Variants in GPC5 observed in about 807,000 individuals in gnomAD.
GPC5 encodes the protein glypican 5, also known as glypican-5.
A neutral mutation model predicts 53.9 loss-of-function variants in GPC5; 47 were observed. The observed-to-expected ratio is 0.87, with a 90% CI of 0.69 to 1.11. The LOEUF is 1.11. Ranked by LOEUF, GPC5 falls within the 50% of genes most tolerant of loss-of-function variation. The pLI is 0.00. For synonymous variants in GPC5, 286 were observed against 263.3 expected (o/e 1.09, Z -0.84); for missense variants, 748 against 713.1 (o/e 1.05, Z -0.56).
intron 2 of GPC5, among the ~76,000 whole-genome samples, chr13:91,639,118 C>A (rs1369730310): frequency 6.6e-6 from 1 of 152,122 alleles, no homozygotes; most frequent in Non-Finnish European, 1.5e-5. Flanking sequence ...GTTATCTTTT[C>A]TTCTGTCCCT....
At chr13:92,017,708 T>C (rs542836220) in intron 6 of GPC5, among the ~76,000 whole-genome samples, 90 of 152,240 alleles carry the variant, frequency 5.9e-4, no homozygotes, top group Non-Finnish European at 1.1e-3. Context: ...TGTCTATACA[T>C]GTGCACAAGT....
rs146628986 is a variant in GPC5 at position 92,587,513 on chromosome 13, G to C, written c.1562-278769G>C. Among the ~76,000 whole-genome samples the C allele has an allele frequency of 2.3e-3, 330 of 143,250 alleles. 3 individuals are homozygous for C. The highest frequency in any genetic ancestry group is 8.1e-3 in the African/African-American group (325 of 39,948). 94.0% of individuals were successfully genotyped at this position (143,250 alleles called of 152,430 possible). ...CCCATTGTCTAACAGGCAATATTTT[G>C]TTAAAACAGAATTAAAAAGAAAAAG... is the stretch of plus-strand genomic sequence containing the variant. On this transcript the variant is annotated intron_variant, in intron 7 of 7. Transcript: ENST00000377067.
intron 6 of GPC5, among the ~76,000 whole-genome samples, chr13:92,137,070 TC>T (rs145861964): frequency 0.035 from 5,331 of 152,188 alleles, 96 homozygotes; most frequent in Non-Finnish European, 0.039. Flanking sequence ...TTTTTTTTTT[TC>T]ATCCTGTCCT....
At position 91,515,131 on chromosome 13, in the gene GPC5, T is replaced by C. The variant is rs148564642; in HGVS notation, c.325+66209T>C. 3.9e-5 allele frequency among the ~76,000 whole-genome samples: 6 copies of C among 152,342 alleles called. No homozygotes were observed. In the East Asian group the frequency reaches 1.2e-3, roughly 29 times the overall value. The stretch of plus-strand genomic sequence containing the variant: ...TTTCTGTATTCACAGAATGTTTTAG[T>C]AGACAGAATTACTTAAAAATGCATA... On this transcript the variant is annotated intron_variant, in intron 2 of 7. Coordinates refer to ENST00000377067, the MANE Select transcript of GPC5 (RefSeq NM_004466.6).
intron 7 of GPC5, among the ~76,000 whole-genome samples, chr13:92,442,161 G>T (rs1877601006): frequency 6.6e-6 from 1 of 152,140 alleles, no homozygotes; most frequent in Non-Finnish European, 1.5e-5. Flanking sequence ...GAATCAAAAT[G>T]AATATATTTG....
In GPC5 at chr13:91,486,983, G is replaced by A. The variant is rs769078124; in HGVS notation, c.325+38061G>A. On this transcript the variant is annotated intron_variant, in intron 2 of 7. Transcript: ENST00000377067. ...TATGAAATCTGTGACTGATGTGGGG[G>A]CTAGGGAATTGAAGCTTGTATGGGG... 7 of 152,164 alleles carry A rather than the reference G, an allele frequency of 4.6e-5. 1 individual carries two copies. The highest frequency in any genetic ancestry group is 1.0e-4 in the Non-Finnish European group (7 of 68,030). The allele number at this position is 152,164 out of a possible 1,614,324, so 9.4% of individuals were successfully genotyped here. A position where few individuals can be genotyped will look rare whatever the true frequency, so the allele number is the denominator to read the frequency against.
intron 7 of GPC5, among the ~76,000 whole-genome samples, chr13:92,776,338 A>C (rs1875804731): frequency 1.3e-5 from 2 of 151,072 alleles, no homozygotes; most frequent in Middle Eastern, 3.5e-3. Context: ...ATACACACTC[A>C]CTCACTCCCC....
chr13:92,433,017 T>C (rs935426861), intron 7 of GPC5, among the ~76,000 whole-genome samples: 4 of 152,096 alleles, frequency 2.6e-5, no homozygotes, highest in African/African-American at 9.7e-5. Context: ...CAAAATTTAC[T>C]TTGATGAATA....
chr13:92,441,134 C>T (rs894959580), intron 7 of GPC5, among the ~76,000 whole-genome samples: 5 of 152,112 alleles, frequency 3.3e-5, no homozygotes, highest in South Asian at 2.1e-4. Flanking sequence ...TGCAGTGGCA[C>T]GATCTCGGCT....
At chr13:92,103,302 G>A (rs899382968) in intron 6 of GPC5, among the ~76,000 whole-genome samples, 2 of 152,016 alleles carry the variant, frequency 1.3e-5, no homozygotes, top group Admixed American at 1.3e-4. Context: ...AAACAATTTT[G>A]AACCCTGTCA....
chr13:91,820,117 T>G (rs908939223), intron 5 of GPC5, among the ~76,000 whole-genome samples: 20 of 152,274 alleles, frequency 1.3e-4, no homozygotes, highest in African/African-American at 4.6e-4. Flanking sequence ...GTGGTGGTGG[T>G]ATTTTTGTTT....
At chr13:92,119,988 A>T in intron 6 of GPC5, among the ~76,000 whole-genome samples, 1 of 152,180 alleles carries the variant, frequency 6.6e-6, no homozygotes, top group East Asian at 1.9e-4. Context: ...CAGGAATGTT[A>T]TATTCACAGG....
intron 5 of GPC5, among the ~76,000 whole-genome samples, chr13:91,865,043 C>A (rs2039069124): frequency 6.6e-6 from 1 of 151,830 alleles, no homozygotes; most frequent in Non-Finnish European, 1.5e-5. Context: ...TCCTGAGTAG[C>A]TGGGACTACA....
intron 7 of GPC5, among the ~76,000 whole-genome samples, chr13:92,275,481 TAAAC>T (rs1445862411): frequency 2.6e-5 from 4 of 152,238 alleles, no homozygotes; most frequent in East Asian, 3.9e-4. Context: ...AATGAAAAAA[TAAAC>T]AAGATAATAT....
chr13:91,911,583 A>G (rs528102315), intron 6 of GPC5, among the ~76,000 whole-genome samples: 8 of 152,146 alleles, frequency 5.3e-5, no homozygotes, highest in Admixed American at 2.0e-4. Context: ...ATAAATCAAT[A>G]AATAAAAACT....
chr13:91,700,525 G>T (rs1450929019), intron 3 of GPC5, among the ~76,000 whole-genome samples: 1 of 152,202 alleles, frequency 6.6e-6, no homozygotes, highest in Non-Finnish European at 1.5e-5. Context: ...CATCACGTTT[G>T]TGGACATCTC....
intron 6 of GPC5, among the ~76,000 whole-genome samples, chr13:91,915,586 C>T (rs371787102): frequency 2.4e-4 from 37 of 151,984 alleles, no homozygotes; most frequent in African/African-American, 7.5e-4. Flanking sequence ...GTTTTTCTGC[C>T]GGGTTTACTG....
At chr13:92,228,439 C>T (rs537745974) in intron 7 of GPC5, among the ~76,000 whole-genome samples, 1 of 151,598 alleles carries the variant, frequency 6.6e-6, no homozygotes, top group South Asian at 2.1e-4. Context: ...TCAAGAGGTC[C>T]TTTACACATT....
chr13:92,298,956 A>T (rs1336388677), intron 7 of GPC5, among the ~76,000 whole-genome samples: 1 of 152,206 alleles, frequency 6.6e-6, no homozygotes, highest in African/African-American at 2.4e-5. Context: ...TGCTGATGAA[A>T]ACAAATTTTA....
Sources: allele counts gnomAD v4.1 joint callset (sites outside exome capture counted in the v4.1 genomes callset), GRCh38; gene constraint gnomAD v4.1.1; transcripts MANE v1.5; gene names NCBI Gene and HGNC (gene_info 2026-07-23, HGNC 2026-07-21).